Variants in PSPH observed in about 807,000 individuals in gnomAD.
The protein encoded by PSPH is phosphoserine phosphatase, also known as L-3-phosphoserine phosphatase.
PSPH carries 16 observed loss-of-function variants against 23.4 expected under a neutral mutation model. That is an observed-to-expected ratio of 0.68 (90% CI 0.46 to 1.04). PSPH has a LOEUF of 1.04. PSPH is among the 50% of genes least tolerant of loss of function. PSPH has a pLI of 0.00. For missense variants in PSPH, 223 were observed against 273.7 expected, an observed-to-expected ratio of 0.81 and a Z score of 1.31; for synonymous variants, 68 against 99.7, an observed-to-expected ratio of 0.68 and a Z score of 1.89.
intron 1 of PSPH, among the ~76,000 whole-genome samples, chr7:56,050,878 T>C (rs1340595855): frequency 6.6e-6 from 1 of 152,138 alleles, no homozygotes; most frequent in African/African-American, 2.4e-5. Context: ...ATTTCCGTTA[T>C]TTATTAAAAA....
intron 1 of PSPH, among the ~76,000 whole-genome samples, chr7:56,044,048 G>A (rs761525628): frequency 1.3e-5 from 2 of 152,038 alleles, no homozygotes; most frequent in Non-Finnish European, 2.9e-5. Flanking sequence ...CTGTCGCCTC[G>A]TAGGTTCAAG....
intron 4 of PSPH, among the ~76,000 whole-genome samples, chr7:56,020,076 A>G (rs749442844): frequency 6.6e-6 from 1 of 152,090 alleles, no homozygotes; most frequent in Non-Finnish European, 1.5e-5. Context: ...AAAATTAGCC[A>G]GGTGTGGTGG....
intron 1 of PSPH, among the ~76,000 whole-genome samples, chr7:56,035,214 G>A (rs960552247): frequency 6.6e-6 from 1 of 152,098 alleles, no homozygotes; most frequent in Non-Finnish European, 1.5e-5. Context: ...GGTGGTGCAT[G>A]CCTGTAGTCC....
chr7:56,012,213 A>T (rs1345853242), intron 7 of PSPH, among the ~76,000 whole-genome samples: 1 of 136,048 alleles, frequency 7.4e-6, no homozygotes, highest in African/African-American at 2.8e-5. Flanking sequence ...GTTTCTTGAG[A>T]CAGAGTCTCA....
At position 56,040,334 on chromosome 7, in the gene PSPH, ATATATC is replaced by A. The variant is rs1288654779; in HGVS notation, c.-291-6234_-291-6229del. Among the ~76,000 whole-genome samples the A allele has an allele frequency of 5.3e-5, 8 of 152,060 alleles. No individual in the cohort carries two copies. In the East Asian group the frequency reaches 1.4e-3, roughly 26 times the overall value. ...CTATATCCAGGTATGATATATGGTT[ATATATC>A]TATGTCTATATATCTATATAAAAAA... On this transcript the variant is annotated intron_variant, in intron 1 of 7. Coordinates refer to ENST00000275605, the MANE Select transcript of PSPH (RefSeq NM_004577.4).
intron 3 of PSPH, among the ~76,000 whole-genome samples, chr7:56,022,262 G>A (rs10234256): frequency 0.031 from 4,709 of 151,424 alleles, 240 homozygotes; most frequent in African/African-American, 0.11. Context: ...TTGAACCCAG[G>A]AGGTAGAGCT....
At chr7:56,012,777 T>C (rs1480583695) in intron 7 of PSPH, among the ~76,000 whole-genome samples, 1 of 148,296 alleles carries the variant, frequency 6.7e-6, no homozygotes, top group African/African-American at 2.5e-5. Flanking sequence ...TGTATTTTTG[T>C]AGAGACGGGG....
intron 1 of PSPH, among the ~76,000 whole-genome samples, chr7:56,040,238 A>G (rs1425772165): frequency 1.3e-5 from 2 of 152,216 alleles, no homozygotes; most frequent in Non-Finnish European, 2.9e-5. Context: ...ATATGTTCAC[A>G]TGAATAAAGG....
chr7:56,023,215 TGGAA>T (rs1214995769), intron 3 of PSPH, among the ~76,000 whole-genome samples: 1 of 151,950 alleles, frequency 6.6e-6, no homozygotes, highest in Non-Finnish European at 1.5e-5. Flanking sequence ...GAAGAAACTC[TGGAA>T]GCCACACTGC....
At chr7:56,050,559 C>T (rs1562841734) in intron 1 of PSPH, among the ~76,000 whole-genome samples, 1 of 152,186 alleles carries the variant, frequency 6.6e-6, no homozygotes, top group Non-Finnish European at 1.5e-5. Flanking sequence ...AGCCACCCAG[C>T]CCTGGCCCCT....
intron 1 of PSPH, among the ~76,000 whole-genome samples, chr7:56,049,594 A>T (rs1207574383): frequency 6.6e-6 from 1 of 151,960 alleles, no homozygotes; most frequent in Non-Finnish European, 1.5e-5. Context: ...AGCCGCCACC[A>T]TGCCCAGCTA....
rs545756666 is a variant in PSPH at position 56,038,317 on chromosome 7, G to C, written c.-291-4211C>G. Reference sequence around the variant, plus strand: ...AAAAAAAAAAAAAAAAAATTAGCCGGGCGTAGTGGTGGGCGCCTGCAGTCC... The same window carrying C: ...AAAAAAAAAAAAAAAAAATTAGCCGCGCGTAGTGGTGGGCGCCTGCAGTCC... On this transcript the variant is annotated intron_variant, in intron 1 of 7. Coordinates refer to ENST00000275605, the MANE Select transcript of PSPH (RefSeq NM_004577.4). Among the ~76,000 whole-genome samples the C allele has an allele frequency of 2.6e-5, 4 of 151,542 alleles. No individual in the cohort carries two copies. In the South Asian group the frequency reaches 8.3e-4, roughly 32 times the overall value.
Position 56,019,719 on chromosome 7 carries a change from C to T in PSPH, c.156G>A (p.Met52Ile), listed in dbSNP as rs753568245. 1 of 1,613,578 alleles carries T rather than the reference C, an allele frequency of 6.2e-7. No homozygotes were observed. Among genetic ancestry groups the T allele is most frequent in the East Asian group, 2.2e-5 (1 of 44,878 alleles). The change falls in exon 5 of 8, where the codon ATG becomes ATA. Residue 52 changes from methionine (M) to isoleucine (I), a missense_variant. By Grantham distance (10) the Met-to-Ile change is conservative. Transcript: ENST00000275605. ...DAVSEMTRRAMGGAVPFKAAL... is the reference protein window; with the variant it reads ...DAVSEMTRRAIGGAVPFKAAL... ...CAGCTTTGAAAGGCACTGCCCCGCC[C>T]ATGGCTCGCCGTGTCCTAGGAGGGA...
intron 5 of PSPH, among the ~76,000 whole-genome samples, chr7:56,017,896 T>C (rs1410246009): frequency 6.6e-6 from 1 of 151,964 alleles, no homozygotes; most frequent in Non-Finnish European, 1.5e-5. Flanking sequence ...CTAACTTTTG[T>C]ATTTTTAGTA....
intron 1 of PSPH, among the ~76,000 whole-genome samples, chr7:56,049,890 A>G (rs369536187): frequency 1.3e-5 from 2 of 151,018 alleles, no homozygotes; most frequent in African/African-American, 4.9e-5. Context: ...ACAGATGCAC[A>G]CCACCAGGCC....
chr7:56,021,089 C>A lies in PSPH; in HGVS notation c.124G>T (p.Asp42Tyr). Residue 42 changes from aspartate (D) to tyrosine (Y), a missense_variant, in exon 4 of 8, where the codon GAC (aspartate) becomes TAC (tyrosine). Coordinates refer to ENST00000275605, the MANE Select transcript of PSPH (RefSeq NM_004577.4). ...TATCCCTACATTTCTGACACCGCGT[C>A]CTCAACGCCACAGATTTTGGCTAGC... The part of the protein sequence containing the change: ...DELAKICGVE[D>Y]AVSEMTRRAM... 1 of 1,614,164 alleles carries A rather than the reference C, an allele frequency of 6.2e-7. No homozygotes were observed. The highest frequency in any genetic ancestry group is 1.1e-5 in the South Asian group (1 of 91,078).
At chr7:56,044,101 C>T (rs1307751633) in intron 1 of PSPH, among the ~76,000 whole-genome samples, 1 of 151,972 alleles carries the variant, frequency 6.6e-6, no homozygotes, top group African/African-American at 2.4e-5. Context: ...GGAATACACG[C>T]CTGGCTAATT....
At chr7:56,020,793 C>G (rs1168707778) in intron 4 of PSPH, among the ~76,000 whole-genome samples, 1 of 152,146 alleles carries the variant, frequency 6.6e-6, no homozygotes, top group Non-Finnish European at 1.5e-5. Flanking sequence ...CACTTTCAAC[C>G]ATGACACAAA....
intron 1 of PSPH, among the ~76,000 whole-genome samples, chr7:56,034,813 G>C (rs1461589081): frequency 6.6e-6 from 1 of 152,172 alleles, no homozygotes; most frequent in Non-Finnish European, 1.5e-5. Flanking sequence ...ACCACGCCCG[G>C]CCAAGACTAC....
Sources: allele counts gnomAD v4.1 joint callset (sites outside exome capture counted in the v4.1 genomes callset), GRCh38; gene constraint gnomAD v4.1.1; transcripts MANE v1.5; gene names NCBI Gene and HGNC (gene_info 2026-07-23, HGNC 2026-07-21).